The following UST variants were observed in gnomAD, a reference collection of about 807,000 sequenced individuals.
The protein encoded by UST is chondroitin sulfate 2-O-sulfotransferase.
Under a neutral mutation model 45.6 loss-of-function variants are expected in UST, and 21 were observed. The ratio of observed to expected loss-of-function variants is 0.46; its 90% CI spans 0.33 to 0.66. UST has a LOEUF of 0.66. Among genes scored for constraint, UST ranks in the 30% least tolerant of loss-of-function variants. The probability of loss-of-function intolerance (pLI) is 0.02; values close to 1 mark genes in which losing one functional copy is unlikely to be tolerated. For synonymous variants in UST, 215 were observed against 200.6 expected (o/e 1.07, Z -0.61); for missense variants, 463 against 512.4 (o/e 0.90, Z 0.93).
At chr6:148,891,900 C>T (rs1031404437) in intron 2 of UST, among the ~76,000 whole-genome samples, 1 of 152,168 alleles carries the variant, frequency 6.6e-6, no homozygotes, top group Admixed American at 6.5e-5. Flanking sequence ...GTATACTTAG[C>T]TACCTTCAGC....
chr6:149,046,904 T>C (rs768909123), intron 7 of UST, among the ~76,000 whole-genome samples: 25 of 152,232 alleles, frequency 1.6e-4, no homozygotes, highest in Admixed American at 3.3e-4. Flanking sequence ...TCTACTGGCT[T>C]CAGCTTTTCT....
chr6:148,964,713 C>T (rs904978584), intron 5 of UST, 150 bp downstream of exon 5: 1 of 957,938 alleles, frequency 1.0e-6, no homozygotes, highest in African/African-American at 1.7e-5. Context: ...GGAAGGAGGT[C>T]TTGGCGAGAG....
At chr6:148,895,653 A>G (rs989104321) in intron 2 of UST, among the ~76,000 whole-genome samples, 11 of 152,164 alleles carry the variant, frequency 7.2e-5, no homozygotes, top group African/African-American at 2.7e-4. Context: ...GTGGTAGTGA[A>G]TCCATCTCAC....
intron 5 of UST, among the ~76,000 whole-genome samples, chr6:149,003,639 G>A (rs1781594003): frequency 6.6e-6 from 1 of 152,222 alleles, no homozygotes; most frequent in African/African-American, 2.4e-5. Flanking sequence ...GAAAATGTTT[G>A]TACAAAACTG....
Position 148,911,611 on chromosome 6 carries a change from G to A in UST, c.291+24582G>A, listed in dbSNP as rs146974902. ...ATCACTCTCCTCTCAATCATTTGGC[G>A]TTGGAAAATTTTGGCTTTCAGGACA... On this transcript the variant is annotated intron_variant, in intron 2 of 7. Transcript: ENST00000367463. 1.8e-4 allele frequency among the ~76,000 whole-genome samples: 27 copies of A among 151,918 alleles called. No individual in the cohort carries two copies. The Middle Eastern group carries it at 0.01, about 57-fold the overall frequency.
In UST at chr6:148,882,438, ATTGCGCCG is replaced by A. The variant is rs926934318; in HGVS notation, c.248-4543_248-4536del. 9.7e-4 allele frequency among the ~76,000 whole-genome samples: 133 copies of A among 137,292 alleles called. 1 individual carries two copies. Among genetic ancestry groups the A allele is most frequent in the African/African-American group, 3.4e-3 (127 of 37,328 alleles). The allele number at this position is 137,292 out of a possible 152,430, so 90.1% of individuals were successfully genotyped here. On this transcript the variant is annotated intron_variant, in intron 1 of 7. Coordinates refer to ENST00000367463, the MANE Select transcript of UST (RefSeq NM_005715.3). The stretch of plus-strand genomic sequence containing the variant: ...AAGGCAGAGGCTGCAGTGAGCCGAG[ATTGCGCCG>A]TTGCACTCCAGCCCGGGCAACAAGA...
chr6:148,925,435 C>G (rs1031516627), intron 2 of UST, among the ~76,000 whole-genome samples: 1 of 136,568 alleles, frequency 7.3e-6, no homozygotes, highest in Non-Finnish European at 1.5e-5. Flanking sequence ...TTTAAACTTT[C>G]TACAAAAAAA....
chr6:148,913,542 C>G (rs1282192050), intron 2 of UST, among the ~76,000 whole-genome samples: 1 of 145,100 alleles, frequency 6.9e-6, no homozygotes, highest in Middle Eastern at 3.9e-3. Context: ...ATGAATGTCC[C>G]TAAATGTTTT....
At chr6:149,059,596 CTG>C (rs1218388079) in intron 7 of UST, among the ~76,000 whole-genome samples, 2 of 152,192 alleles carry the variant, frequency 1.3e-5, no homozygotes, top group African/African-American at 4.8e-5. Flanking sequence ...AAGAAAGAGC[CTG>C]TGTTTTTAGC....
In UST at chr6:148,899,549, G is replaced by A. The variant is rs371463603; in HGVS notation, c.291+12520G>A. On this transcript the variant is annotated intron_variant, in intron 2 of 7. Coordinates refer to ENST00000367463, the MANE Select transcript of UST (RefSeq NM_005715.3). Reference sequence around the variant, plus strand: ...ATTACCCACAATGCCACCACGCAAGGGCAACTAAAATGAACCATTTTCACC... The same window carrying A: ...ATTACCCACAATGCCACCACGCAAGAGCAACTAAAATGAACCATTTTCACC... Among the ~76,000 whole-genome samples, 37 of 152,174 alleles carry A rather than the reference G, an allele frequency of 2.4e-4. No individual in the cohort carries two copies. In the East Asian group the frequency reaches 6.0e-3, roughly 25 times the overall value.
intron 5 of UST, among the ~76,000 whole-genome samples, chr6:149,000,594 G>A (rs1319352069): frequency 6.6e-6 from 1 of 152,102 alleles, no homozygotes; most frequent in South Asian, 2.1e-4. Flanking sequence ...AGAAAGGCAG[G>A]CAGCAAAATC....
chr6:148,805,608 A>G (rs943461761), intron 1 of UST, among the ~76,000 whole-genome samples: 9 of 152,188 alleles, frequency 5.9e-5, no homozygotes, highest in Admixed American at 5.2e-4. Context: ...AATAGAGAGT[A>G]CCTCTCTTTT....
intron 7 of UST, among the ~76,000 whole-genome samples, chr6:149,049,931 T>TCACACACACACACACACA (rs59151398): frequency 7.4e-6 from 1 of 134,476 alleles, no homozygotes; most frequent in African/African-American, 2.9e-5. Context: ...TCTCTCTCTC[T>TCACACACACACACACACA]CACACACACA....
chr6:148,878,358 T>A (rs115606065), intron 1 of UST, among the ~76,000 whole-genome samples: 696 of 16,170 alleles, frequency 0.043, 41 homozygotes, highest in African/African-American at 0.11. Context: ...TGTATGAGTG[T>A]GGGGATCGTG....
intron 7 of UST, among the ~76,000 whole-genome samples, chr6:149,067,827 C>G (rs186972160): frequency 3.6e-4 from 55 of 152,272 alleles, no homozygotes; most frequent in African/African-American, 1.3e-3. Flanking sequence ...CACCAGAAGT[C>G]TGTCGTTTTC....
intron 1 of UST, among the ~76,000 whole-genome samples, chr6:148,775,644 C>A (rs9498153): frequency 4.7e-5 from 7 of 149,630 alleles, no homozygotes; most frequent in African/African-American, 1.7e-4. Flanking sequence ...TTTTTTGGGG[C>A]GGGGAGAGAG....
intron 2 of UST, among the ~76,000 whole-genome samples, chr6:148,938,848 A>AATAGTAT (rs1780069020): frequency 1.3e-5 from 2 of 151,718 alleles, no homozygotes; most frequent in Non-Finnish European, 3.0e-5. Context: ...AGAAGTAGAT[A>AATAGTAT]ATAGTATATA....
At position 148,904,731 on chromosome 6, in the gene UST, A is replaced by T. The variant is rs141377638; in HGVS notation, c.291+17702A>T. Among the ~76,000 whole-genome samples, 899 of 152,176 alleles carry T rather than the reference A, an allele frequency of 5.9e-3. 9 individuals carry two copies. Among genetic ancestry groups the T allele is most frequent in the African/African-American group, 0.02 (842 of 41,508 alleles). Reference sequence around the variant, plus strand: ...TAGAGACTGAGTTTCATCATGTTGGACAGGCTGGTCTCGAACCCCTGACCT... The same window carrying T: ...TAGAGACTGAGTTTCATCATGTTGGTCAGGCTGGTCTCGAACCCCTGACCT... On this transcript the variant is annotated intron_variant, in intron 2 of 7. Transcript: ENST00000367463.
chr6:148,748,656 A>G lies in UST; in HGVS notation c.247+979A>G, dbSNP rs564180288. On this transcript the variant is annotated intron_variant, in intron 1 of 7. Transcript: ENST00000367463. The surrounding 1 kb of genome is among the most constrained non-coding windows in gnomAD (Gnocchi z 5.3). ...TCGCGTTCGAGCCAAGGGAGGATGC[A>G]GATCCCTCCCAAGTCTGTGGCCAGA... is the stretch of plus-strand genomic sequence containing the variant. 2.6e-5 allele frequency among the ~76,000 whole-genome samples: 4 copies of G among 152,242 alleles called. No homozygotes were observed. The South Asian group carries it at 8.3e-4, about 32-fold the overall frequency.
Sources: allele counts gnomAD v4.1 joint callset (sites outside exome capture counted in the v4.1 genomes callset), GRCh38; gene constraint gnomAD v4.1.1; non-coding constraint Gnocchi (gnomAD v3.1); transcripts MANE v1.5; gene names NCBI Gene and HGNC (gene_info 2026-07-23, HGNC 2026-07-21).